Variants in BAG3 observed in about 807,000 individuals in gnomAD.
The protein encoded by BAG3 is BAG cochaperone 3.
In BAG3, 14 loss-of-function variants were observed where a neutral mutation model predicts 40.5. The observed-to-expected ratio is 0.35, with a 90% CI of 0.23 to 0.54. The LOEUF (loss-of-function observed/expected upper bound fraction) is 0.54. Ranked by LOEUF, BAG3 falls within the 20% of genes least tolerant of loss-of-function variation. The pLI is 0.91. For missense variants in BAG3, 788 were observed against 758.6 expected (o/e 1.04, Z -0.46); for synonymous variants, 302 against 307.8 (o/e 0.98, Z 0.20).
At chr10:119,674,536 T>C (rs1163374754) in intron 3 of BAG3, among the ~76,000 whole-genome samples, 2 of 152,240 alleles carry the variant, frequency 1.3e-5, no homozygotes, top group African/African-American at 2.4e-5. Flanking sequence ...TTCACCAAAC[T>C]GAACGTTATA....
chr10:119,672,790 C>T lies in BAG3; in HGVS notation c.909+134C>T, dbSNP rs530666709. Reference sequence around the variant, plus strand: ...CGTGTACCTACAGGCAAGTGAGATTCGAGAAATTGCTAGGTATTAACAGAA... The same window carrying T: ...CGTGTACCTACAGGCAAGTGAGATTTGAGAAATTGCTAGGTATTAACAGAA... On this transcript the variant is annotated intron_variant, in intron 3 of 3. Transcript: ENST00000369085. The surrounding 1 kb of genome is among the most constrained non-coding windows in gnomAD (Gnocchi z 4.8). 88 of 1,289,036 alleles carry T rather than the reference C, an allele frequency of 6.8e-5. No individual in the cohort carries two copies. The highest frequency in any genetic ancestry group is 2.3e-4 in the Middle Eastern group (1 of 4,416). 79.8% of individuals were successfully genotyped at this position (1,289,036 alleles called of 1,614,324 possible). A position where few individuals can be genotyped will look rare whatever the true frequency, so the allele number is the denominator to read the frequency against.
intron 3 of BAG3, among the ~76,000 whole-genome samples, chr10:119,676,247 G>A (rs1156581325): frequency 6.6e-6 from 1 of 151,994 alleles, no homozygotes; most frequent in Non-Finnish European, 1.5e-5. Flanking sequence ...AGCCTGGGGT[G>A]ATCAATGGAA....
chr10:119,665,142 A>ATTTTTT (rs1366963228), intron 1 of BAG3, among the ~76,000 whole-genome samples: 3 of 87,828 alleles, frequency 3.4e-5, no homozygotes, highest in South Asian at 3.6e-4. Flanking sequence ...ATATATATAT[A>ATTTTTT]TATTTTTTTT....
At chr10:119,671,869 A>G (rs1847154768) in intron 2 of BAG3, among the ~76,000 whole-genome samples, 1 of 151,950 alleles carries the variant, frequency 6.6e-6, no homozygotes, top group African/African-American at 2.4e-5. Context: ...AATCACTGCA[A>G]CCTCTGCCTC....
intron 1 of BAG3, among the ~76,000 whole-genome samples, chr10:119,662,489 T>C (rs1431332926): frequency 6.6e-6 from 1 of 152,134 alleles, no homozygotes; most frequent in Non-Finnish European, 1.5e-5. Context: ...TCTGTGTTCT[T>C]GCATCTTTTT....
In BAG3 at chr10:119,677,113, C is replaced by A. The variant is rs766018650; in HGVS notation, c.1559C>A (p.Pro520Gln). The change falls in exon 4 of 4, where the codon CCA (proline) becomes CAA (glutamine). Residue 520 changes from proline to glutamine, a missense_variant. Coordinates refer to ENST00000369085, the MANE Select transcript of BAG3 (RefSeq NM_004281.4). Reference protein sequence around the residue: ...LQPSNLEADQPLQAIMEMGAV... With the variant: ...LQPSNLEADQQLQAIMEMGAV... ...CCCAGCAACCTTGAAGCAGATCAGC[C>A]ACTGCAGGCAATCATGGAGATGGGT... The A allele has an allele frequency of 6.2e-7, 1 of 1,614,018 alleles. No individual in the cohort carries two copies. The highest frequency in any genetic ancestry group is 8.5e-7 in the Non-Finnish European group (1 of 1,180,030).
chr10:119,659,919 C>CT (rs977233826), intron 1 of BAG3, among the ~76,000 whole-genome samples: 271 of 150,358 alleles, frequency 1.8e-3, no homozygotes, highest in African/African-American at 6.0e-3. Context: ...TGGCTCCGCT[C>CT]TTTTTTTTTT....
At chr10:119,664,992 C>T (rs1286737086) in intron 1 of BAG3, among the ~76,000 whole-genome samples, 1 of 151,742 alleles carries the variant, frequency 6.6e-6, no homozygotes, top group Non-Finnish European at 1.5e-5. Flanking sequence ...GATCTTAGCT[C>T]ACTGCAACCT....
chr10:119,677,162 G>C lies in BAG3; in HGVS notation c.1608G>C (p.Lys536Asn). ...EMGAVAADKG[K>N]KNAGNAEDPH... ...GTGCCGTGGCAGCAGACAAGGGCAA[G>C]AAAAATGCTGGAAATGCAGAAGATC... Residue 536 changes from lysine to asparagine, a missense_variant, in exon 4 of 4, where the codon AAG becomes AAC. Physicochemically the swap from Lys to Asn is moderately conservative, Grantham distance 94. Coordinates refer to ENST00000369085, the MANE Select transcript of BAG3 (RefSeq NM_004281.4). 6.2e-7 allele frequency: 1 copy of C among 1,614,098 alleles called. No individual in the cohort carries two copies. Among genetic ancestry groups the C allele is most frequent in the East Asian group, 2.2e-5 (1 of 44,884 alleles).
At chr10:119,655,956 C>T (rs902613285) in intron 1 of BAG3, among the ~76,000 whole-genome samples, 1 of 152,174 alleles carries the variant, frequency 6.6e-6, no homozygotes, top group Non-Finnish European at 1.5e-5. Flanking sequence ...GCTTGTGAGT[C>T]AGAAAGCTTC....
In BAG3 at chr10:119,670,059, C is replaced by A. The variant is rs753251276; in HGVS notation, c.389C>A (p.Ala130Asp). Residue 130 changes from alanine to aspartate, a missense_variant, in exon 2 of 4, where the codon GCT (alanine) becomes GAT (aspartate). Transcript: ENST00000369085. ...TTCCGAACTGAGGCGGCAGCAGCGG[C>A]TCCTCAGAGGTCCCAGTCACCTCTG... ...QRFRTEAAAA[A>D]PQRSQSPLRG... The A allele has an allele frequency of 6.2e-7, 1 of 1,614,230 alleles. No homozygotes were observed. The highest frequency in any genetic ancestry group is 8.5e-7 in the Non-Finnish European group (1 of 1,180,042).
At chr10:119,668,346 C>T (rs1289723260) in intron 1 of BAG3, among the ~76,000 whole-genome samples, 1 of 152,246 alleles carries the variant, frequency 6.6e-6, no homozygotes, top group Non-Finnish European at 1.5e-5. Flanking sequence ...CAGTATCTGT[C>T]CTTACTTTTG....
chr10:119,661,185 G>A (rs779329578), intron 1 of BAG3, among the ~76,000 whole-genome samples: 5 of 152,122 alleles, frequency 3.3e-5, no homozygotes, highest in Non-Finnish European at 5.9e-5. Flanking sequence ...GCTTGAACTC[G>A]GGAGGCGGAG....
chr10:119,671,346 T>G (rs1286241839), intron 2 of BAG3, among the ~76,000 whole-genome samples: 1 of 152,196 alleles, frequency 6.6e-6, no homozygotes, highest in Non-Finnish European at 1.5e-5. Context: ...TATAATGGTT[T>G]TGCTGCAAGA....
Position 119,672,575 on chromosome 10 carries a change from G to A in BAG3, c.828G>A (p.Arg276=), listed in dbSNP as rs752538980. The part of the protein sequence containing the change: ...FRSSVQGASS[R]EGSPARSSTP... ...CATCTGTCCAGGGTGCATCGAGCCG[G>A]GAGGGCTCACCAGCCAGGAGCAGCA... is the stretch of plus-strand genomic sequence containing the variant. Residue 276 remains arginine, a synonymous_variant, in exon 3 of 4, where the codon CGG becomes CGA. Coordinates refer to ENST00000369085, the MANE Select transcript of BAG3 (RefSeq NM_004281.4). This position sits in a 1 kb window ranked among gnomAD's most constrained non-coding sequence, Gnocchi z 4.8. The A allele has an allele frequency of 2.0e-5, 32 of 1,613,966 alleles. No individual in the cohort carries two copies. Among genetic ancestry groups the A allele is most frequent in the Non-Finnish European group, 2.3e-5 (27 of 1,180,022 alleles).
intron 1 of BAG3, among the ~76,000 whole-genome samples, chr10:119,654,244 G>A (rs554719781): frequency 6.6e-5 from 10 of 152,302 alleles, no homozygotes; most frequent in Admixed American, 3.3e-4. Context: ...GGCCCTTGCA[G>A]AAAACAAAGG....
At chr10:119,676,369 A>G in intron 3 of BAG3, 95 bp from the exon 4 acceptor site, 1 of 1,339,920 alleles carries the variant, frequency 7.5e-7, no homozygotes. Flanking sequence ...TTAAAAAGCC[A>G]TTTCTCAGTT....
chr10:119,676,233 A>G (rs1022020832), intron 3 of BAG3, among the ~76,000 whole-genome samples: 1 of 152,050 alleles, frequency 6.6e-6, no homozygotes, highest in African/African-American at 2.4e-5. Flanking sequence ...GGTAATAGAC[A>G]AATAGCCTGG....
chr10:119,652,219 G>T (rs779457648), intron 1 of BAG3, among the ~76,000 whole-genome samples: 10 of 151,984 alleles, frequency 6.6e-5, no homozygotes, highest in Non-Finnish European at 1.3e-4. Context: ...GTCAGCTCCG[G>T]AGGCCCCGGC....
Sources: allele counts gnomAD v4.1 joint callset (sites outside exome capture counted in the v4.1 genomes callset), GRCh38; gene constraint gnomAD v4.1.1; non-coding constraint Gnocchi (gnomAD v3.1); transcripts MANE v1.5; gene names NCBI Gene and HGNC (gene_info 2026-07-23, HGNC 2026-07-21).